ZC3HAV1: variants seen among roughly 807,000 people sequenced by gnomAD.
ZC3HAV1 encodes zinc finger CCCH-type containing, antiviral 1.
A neutral mutation model predicts 86.6 loss-of-function variants in ZC3HAV1; 41 were observed. That is an observed-to-expected ratio of 0.47 (90% confidence interval 0.37 to 0.61). The LOEUF (loss-of-function observed/expected upper bound fraction) is 0.61. ZC3HAV1 is among the 20% of genes least tolerant of loss of function. The pLI is 0.00. For synonymous variants in ZC3HAV1, 421 were observed against 432.1 expected, an observed-to-expected ratio of 0.97 and a Z score of 0.32; for missense variants, 964 against 1,141.1, an observed-to-expected ratio of 0.84 and a Z score of 2.24.
chr7:139,107,805 C>T (rs1157921097), intron 1 of ZC3HAV1, among the ~76,000 whole-genome samples: 1 of 152,178 alleles, frequency 6.6e-6, no homozygotes, highest in Non-Finnish European at 1.5e-5. Flanking sequence ...CCATTTTAAA[C>T]CCTGGGACAC....
At chr7:139,095,850 T>C (rs1387459058) in intron 1 of ZC3HAV1, among the ~76,000 whole-genome samples, 1 of 152,152 alleles carries the variant, frequency 6.6e-6, no homozygotes, top group African/African-American at 2.4e-5. Context: ...CAAACCCTAA[T>C]TAAATCAGAA....
At chr7:139,060,004 G>C (rs1267660810) in intron 9 of ZC3HAV1, among the ~76,000 whole-genome samples, 1 of 152,134 alleles carries the variant, frequency 6.6e-6, no homozygotes, top group Non-Finnish European at 1.5e-5. Context: ...GGTGGAATTT[G>C]AACCTAGGTG....
intron 12 of ZC3HAV1, among the ~76,000 whole-genome samples, chr7:139,048,960 C>T (rs1201300173): frequency 6.6e-6 from 1 of 151,934 alleles, no homozygotes; most frequent in Non-Finnish European, 1.5e-5. Context: ...GGAATTCTTT[C>T]ACACCTGTTT....
chr7:139,094,562 C>G (rs1305279205), intron 1 of ZC3HAV1, among the ~76,000 whole-genome samples: 1 of 151,544 alleles, frequency 6.6e-6, no homozygotes, highest in Non-Finnish European at 1.5e-5. Context: ...CTTTAAGGAG[C>G]TCAGGCCAAA....
rs904039670 is a variant in ZC3HAV1, at chr7:139,043,817, G to T, written c.*3777C>A. 2.6e-5 allele frequency: 4 copies of T among 152,172 alleles called. No individual in the cohort carries two copies. The highest frequency in any genetic ancestry group is 9.7e-5 in the African/African-American group (4 of 41,428). The allele number at this position is 152,172 out of a possible 1,614,324, so 9.4% of individuals were successfully genotyped here. ...AGTATTTTAAAAATAAGGGGTTTGGGAGGCCAAGATCTGACCTATTCTGTA... is the reference window on the plus strand; with the variant it reads ...AGTATTTTAAAAATAAGGGGTTTGGTAGGCCAAGATCTGACCTATTCTGTA... On this transcript the variant is annotated 3_prime_UTR_variant, in exon 13 of 13. Transcript: ENST00000242351.
intron 9 of ZC3HAV1, among the ~76,000 whole-genome samples, chr7:139,055,870 A>G (rs1816267588): frequency 6.6e-6 from 1 of 152,242 alleles, no homozygotes; most frequent in African/African-American, 2.4e-5. Flanking sequence ...GTTCTAAACA[A>G]TCATTATCAT....
intron 1 of ZC3HAV1, among the ~76,000 whole-genome samples, chr7:139,091,260 G>A (rs771077988): frequency 3.2e-4 from 48 of 152,154 alleles, no homozygotes; most frequent in African/African-American, 4.6e-4. Context: ...AGCACTTCGG[G>A]AGGCCGAGGC....
At chr7:139,064,135 G>C (rs1038570573) in intron 8 of ZC3HAV1, among the ~76,000 whole-genome samples, 1 of 152,188 alleles carries the variant, frequency 6.6e-6, no homozygotes, top group Admixed American at 6.5e-5. Flanking sequence ...TAAAAGCTAC[G>C]TCATCTAAGG....
In ZC3HAV1 at chr7:139,045,306, A is replaced by C. The variant is rs1815924792; in HGVS notation, c.*2288T>G. The stretch of plus-strand genomic sequence containing the variant: ...GGAACCACAAAACTGAAAGGAAGCC[A>C]GAGTGGCTTGCGCAGAAGAAACTAA... On this transcript the variant is annotated 3_prime_UTR_variant, in exon 13 of 13. Coordinates refer to ENST00000242351, the MANE Select transcript of ZC3HAV1 (RefSeq NM_020119.4). The C allele has an allele frequency of 6.6e-6, 1 of 152,220 alleles. No homozygotes were observed. The highest frequency in any genetic ancestry group is 1.5e-5 in the Non-Finnish European group (1 of 68,040). The allele number at this position is 152,220 out of a possible 1,614,324, so 9.4% of individuals were successfully genotyped here. A position where few individuals can be genotyped will look rare whatever the true frequency, so the allele number is the denominator to read the frequency against.
chr7:139,073,853 C>T lies in ZC3HAV1; in HGVS notation c.1872+3G>A. The T allele has an allele frequency of 6.2e-7, 1 of 1,608,890 alleles. No homozygotes were observed. Among genetic ancestry groups the T allele is most frequent in the Non-Finnish European group, 8.5e-7 (1 of 1,176,948 alleles). On this transcript the variant is annotated splice_donor_region_variant and intron_variant, in intron 7 of 12. Coordinates refer to ENST00000242351, the MANE Select transcript of ZC3HAV1 (RefSeq NM_020119.4). ...GCCCCCTACAAGGAGGAACAGTGCT[C>T]ACCTCTTCTCCATACTGAATCCATG...
At chr7:139,091,604 G>T (rs1224466883) in intron 1 of ZC3HAV1, among the ~76,000 whole-genome samples, 1 of 152,150 alleles carries the variant, frequency 6.6e-6, no homozygotes, top group African/African-American at 2.4e-5. Context: ...ACGGCCATTA[G>T]CCATTACCAT....
intron 2 of ZC3HAV1, 68 bp downstream of exon 2, chr7:139,089,556 C>A: frequency 6.7e-7 from 1 of 1,491,526 alleles, no homozygotes. Context: ...TGCTCCTACT[C>A]CAAAATATCT....
At chr7:139,063,834 G>A (rs748445660) in intron 8 of ZC3HAV1, among the ~76,000 whole-genome samples, 5 of 150,514 alleles carry the variant, frequency 3.3e-5, no homozygotes, top group South Asian at 4.2e-4. Flanking sequence ...TGCCAGATAC[G>A]CCACTGAAAT....
intron 12 of ZC3HAV1, among the ~76,000 whole-genome samples, chr7:139,050,493 G>A (rs750421806): frequency 1.3e-5 from 2 of 151,830 alleles, no homozygotes; most frequent in African/African-American, 2.4e-5. Flanking sequence ...TCAGCCTCTC[G>A]AGTAGCTAGG....
At chr7:139,089,212 C>T (rs1316686004) in intron 2 of ZC3HAV1, among the ~76,000 whole-genome samples, 1 of 146,848 alleles carries the variant, frequency 6.8e-6, no homozygotes, top group African/African-American at 2.5e-5. Flanking sequence ...AACAAAATTA[C>T]ATTTTATTTG....
chr7:139,076,374 G>A lies in ZC3HAV1; in HGVS notation c.1609C>T (p.Arg537Trp), dbSNP rs768772866. Residue 537 changes from arginine (R) to tryptophan (W), a missense_variant, in exon 6 of 13, where the codon CGG becomes TGG. Transcript: ENST00000242351. ...GTTTTACCAATAAGCATCTGCCACC[G>A]GTAAGGCAGATGGAAGTGGACTTTG... ...CSKVHFHLPY[R>W]WQMLIGKTWT... 1.2e-5 allele frequency: 20 copies of A among 1,614,008 alleles called. No homozygotes were observed. The highest frequency in any genetic ancestry group is 4.5e-5 in the East Asian group (2 of 44,878).
intron 8 of ZC3HAV1, among the ~76,000 whole-genome samples, chr7:139,062,427 C>G (rs1816470808): frequency 6.6e-6 from 1 of 152,246 alleles, no homozygotes; most frequent in African/African-American, 2.4e-5. Flanking sequence ...CCTCCTGGAG[C>G]GCCCTCCTTC....
intron 1 of ZC3HAV1, among the ~76,000 whole-genome samples, chr7:139,097,269 C>T (rs1242369269): frequency 6.7e-6 from 1 of 149,542 alleles, no homozygotes; most frequent in Non-Finnish European, 1.5e-5. Context: ...TGGGAACCTG[C>T]ATTTTAGTAG....
At chr7:139,089,879 G>T in intron 1 of ZC3HAV1, 120 bp from the exon 2 acceptor site, 1 of 1,089,744 alleles carries the variant, frequency 9.2e-7, no homozygotes, top group Non-Finnish European at 1.3e-6. Flanking sequence ...AACAGACACA[G>T]GTTGGTTCTG....
Sources: allele counts gnomAD v4.1 joint callset (sites outside exome capture counted in the v4.1 genomes callset), GRCh38; gene constraint gnomAD v4.1.1; transcripts MANE v1.5; gene names NCBI Gene and HGNC (gene_info 2026-07-23, HGNC 2026-07-21).